The following MAPDA variants were observed in gnomAD, a reference collection of about 807,000 sequenced individuals.
MAPDA encodes N6-Methyl-AMP deaminase, also known as N6,N6-dimethyl-AMP deaminase.
the MAPDA span, chr15:43,354,219 G>GA: frequency 1.3e-5 from 2 of 152,154 alleles, no homozygotes; most frequent in African/African-American, 4.8e-5. Context: ...GAGAGCAGAG[G>GA]AAAAAAGTTT....
chr15:43,347,244 C>T, the MAPDA span: 1 of 654,978 alleles, frequency 1.5e-6, no homozygotes, highest in Non-Finnish European at 2.5e-6. Flanking sequence ...TTTAAAAATA[C>T]ATGACTTGCT....
At chr15:43,334,633 T>TAATATATATATATA in the MAPDA span, among the ~76,000 whole-genome samples, 2 of 65,142 alleles carry the variant, frequency 3.1e-5, no homozygotes, top group Non-Finnish European at 9.3e-5. Context: ...CTCAAAAAAA[T>TAATATATATATATA]TATATATATA....
the MAPDA span, chr15:43,336,515 G>A: frequency 2.5e-6 from 2 of 808,052 alleles, no homozygotes; most frequent in Admixed American, 3.8e-5. Context: ...CTATTCTGTA[G>A]TTCTTTGTAA....
At chr15:43,348,765 C>A in the MAPDA span, 1 of 691,552 alleles carries the variant, frequency 1.4e-6, no homozygotes, top group Non-Finnish European at 2.3e-6. Flanking sequence ...AGGCAAAGAG[C>A]TAGGAAGGCA....
At chr15:43,335,691 CT>C in the MAPDA span, 1 of 1,604,556 alleles carries the variant, frequency 6.2e-7, no homozygotes, top group Non-Finnish European at 8.5e-7. Flanking sequence ...GGTTGTATCT[CT>C]TAGGAACTTC....
At chr15:43,330,631 T>G in the MAPDA span, 1 of 998,838 alleles carries the variant, frequency 1.0e-6, no homozygotes, top group African/African-American at 1.7e-5. Context: ...GTGCGTCACT[T>G]CCGGGAAGAG....
At chr15:43,348,825 G>T in the MAPDA span, 6 of 1,448,274 alleles carry the variant, frequency 4.1e-6, no homozygotes, top group Non-Finnish European at 4.7e-6. Context: ...ACTTAGAGGG[G>T]CAGGGTACCT....
chr15:43,350,250 G>GT, the MAPDA span, among the ~76,000 whole-genome samples: 1 of 109,252 alleles, frequency 9.2e-6, no homozygotes, highest in Non-Finnish European at 2.0e-5. Flanking sequence ...TTTTTTTTTT[G>GT]TATTTTTTTA....
At chr15:43,352,482 C>T in the MAPDA span, 1 of 152,106 alleles carries the variant, frequency 6.6e-6, no homozygotes, top group African/African-American at 2.4e-5. Flanking sequence ...TTGCTTGATC[C>T]TAGGAGTTCA....
At chr15:43,353,941 CAAG>C in the MAPDA span, 9 of 152,080 alleles carry the variant, frequency 5.9e-5, no homozygotes, top group African/African-American at 1.9e-4. Context: ...AAATTAAACT[CAAG>C]GAGGGGTCAT....
the MAPDA span, among the ~76,000 whole-genome samples, chr15:43,346,204 TG>T: frequency 3.3e-5 from 5 of 152,206 alleles, no homozygotes; most frequent in African/African-American, 1.2e-4. Context: ...AAGAGTTGCC[TG>T]ACTATATGAC....
At chr15:43,335,894 A>T in the MAPDA span, 1 of 1,547,722 alleles carries the variant, frequency 6.5e-7, no homozygotes, top group Non-Finnish European at 8.7e-7. Context: ...TGTAAGTAGT[A>T]TGTAAGAATT....
the MAPDA span, among the ~76,000 whole-genome samples, chr15:43,343,681 T>C: frequency 2.0e-4 from 30 of 152,212 alleles, 1 homozygote; most frequent in African/African-American, 7.2e-4. Context: ...TGTTAGTTTG[T>C]ATATATGCCC....
chr15:43,349,299 G>T, the MAPDA span: 1 of 1,202,232 alleles, frequency 8.3e-7, no homozygotes, highest in East Asian at 3.4e-5. Context: ...AACTCAATAA[G>T]AATTTTTTAA....
At chr15:43,349,640 C>A in the MAPDA span, among the ~76,000 whole-genome samples, 1 of 152,138 alleles carries the variant, frequency 6.6e-6, no homozygotes, top group Admixed American at 6.5e-5. Flanking sequence ...GATTGTATAA[C>A]CACTTTTGAT....
the MAPDA span, chr15:43,330,534 C>T: frequency 6.6e-7 from 1 of 1,504,962 alleles, no homozygotes; most frequent in Non-Finnish European, 8.8e-7. Context: ...GGTTGTGAGC[C>T]GCCCCTTGGT....
the MAPDA span, among the ~76,000 whole-genome samples, chr15:43,339,779 T>A: frequency 6.6e-6 from 1 of 152,324 alleles, no homozygotes; most frequent in East Asian, 1.9e-4. Context: ...CCAGAATTTA[T>A]TGAAAAATGT....
At chr15:43,333,566 C>T in the MAPDA span, 1 of 151,920 alleles carries the variant, frequency 6.6e-6, no homozygotes, top group African/African-American at 2.4e-5. Flanking sequence ...TTTGAAATGC[C>T]ATGTTTATCT....
At chr15:43,335,298 G>T in the MAPDA span, 2 of 906,178 alleles carry the variant, frequency 2.2e-6, no homozygotes, top group East Asian at 2.6e-5. Flanking sequence ...GCTTTGGGAG[G>T]CCAAGGCGGG....
Sources: gnomAD v4.1 joint callset for allele counts (sites outside exome capture counted in the v4.1 genomes callset) on GRCh38, gnomAD v4.1.1 for gene constraint, MANE v1.5 for transcripts, NCBI Gene and HGNC (gene_info 2026-07-23, HGNC 2026-07-21) for gene names.